Variants in PDE11A observed in about 807,000 individuals in gnomAD.
The protein encoded by PDE11A is phosphodiesterase 11A.
PDE11A carries 100 observed loss-of-function variants against 100.5 expected under a neutral mutation model. The ratio of observed to expected loss-of-function variants is 1.00; its 90% CI spans 0.85 to 1.18. The LOEUF is 1.18. Ranked by LOEUF, PDE11A falls within the 50% of genes most tolerant of loss-of-function variation. The pLI is 0.00. For synonymous variants in PDE11A, 381 were observed against 420.8 expected, an observed-to-expected ratio of 0.91 and a Z score of 1.16; for missense variants, 1,141 against 1,152.6, an observed-to-expected ratio of 0.99 and a Z score of 0.15.
intron 10 of PDE11A, among the ~76,000 whole-genome samples, chr2:177,767,691 TA>T (rs1441194505): frequency 6.6e-6 from 1 of 152,140 alleles, no homozygotes; most frequent in Non-Finnish European, 1.5e-5. Context: ...ATCACCGTTT[TA>T]AAATTTTCTT....
intron 10 of PDE11A, among the ~76,000 whole-genome samples, chr2:177,733,824 G>T (rs2081729964): frequency 1.3e-5 from 2 of 152,168 alleles, no homozygotes; most frequent in South Asian, 4.1e-4. Context: ...GTTATGCTTT[G>T]CATATACTCA....
intron 12 of PDE11A, among the ~76,000 whole-genome samples, chr2:177,713,754 G>A (rs936256910): frequency 4.6e-5 from 7 of 151,810 alleles, no homozygotes; most frequent in African/African-American, 1.7e-4. Context: ...AAAAAAGCTT[G>A]TATATGCCCT....
Position 177,769,343 on chromosome 2 carries a change from C to G in PDE11A, c.1768G>C (p.Ala590Pro), listed in dbSNP as rs748648316. The G allele has an allele frequency of 6.2e-7, 1 of 1,600,368 alleles. No individual in the cohort carries two copies. The highest frequency in any genetic ancestry group is 1.7e-5 in the Admixed American group (1 of 59,988). ...CTTACCTTAAACTTGTCAACTTCAGCTTTTGAACATGTTGCATGGTATGAT... is the reference window on the plus strand; with the variant it reads ...CTTACCTTAAACTTGTCAACTTCAGGTTTTGAACATGTTGCATGGTATGAT... ...VLSYHATCSK[A>P]EVDKFKAANI... Residue 590 changes from alanine to proline, a missense_variant, in exon 10 of 20, where the codon GCT becomes CCT. Transcript: ENST00000286063.
chr2:177,869,060 T>A (rs1003993584), intron 5 of PDE11A, among the ~76,000 whole-genome samples: 1 of 152,264 alleles, frequency 6.6e-6, no homozygotes, highest in African/African-American at 2.4e-5. Context: ...TGTGCATGCA[T>A]GCATGAGTGC....
chr2:177,955,801 CA>C (rs2085554212), intron 2 of PDE11A, among the ~76,000 whole-genome samples: 2 of 152,114 alleles, frequency 1.3e-5, no homozygotes, highest in South Asian at 4.2e-4. Context: ...GAAAAACAAG[CA>C]ATGGGGAAAG....
Position 177,735,911 on chromosome 2 carries a change from T to A in PDE11A, c.1789-7739A>T, listed in dbSNP as rs186823963. 2.0e-3 allele frequency among the ~76,000 whole-genome samples: 299 copies of A among 152,316 alleles called. 1 individual carries two copies. Among genetic ancestry groups the A allele is most frequent in the Non-Finnish European group, 3.4e-3 (234 of 68,016 alleles). On this transcript the variant is annotated intron_variant, in intron 10 of 19. Coordinates refer to ENST00000286063, the MANE Select transcript of PDE11A (RefSeq NM_016953.4). ...GGCCAAACCTCCCAGAACTTCCCCT[T>A]TGAAGCTCTGGTCCCAATTTTAGTT...
chr2:178,093,694 G>T (rs2087451364), intron 2 of PDE11A, among the ~76,000 whole-genome samples: 1 of 152,184 alleles, frequency 6.6e-6, no homozygotes, highest in African/African-American at 2.4e-5. Flanking sequence ...TCCAAAGTAT[G>T]TGACACACTC....
At chr2:177,631,544 TATAC>T (rs1482631571) in intron 19 of PDE11A, among the ~76,000 whole-genome samples, 22 of 16,144 alleles carry the variant, frequency 1.4e-3, no homozygotes, top group African/African-American at 4.0e-3. Flanking sequence ...TATATATATA[TATAC>T]ACATGTATAT....
chr2:177,674,648 C>T (rs1217996305), intron 17 of PDE11A, among the ~76,000 whole-genome samples: 1 of 152,144 alleles, frequency 6.6e-6, no homozygotes, highest in African/African-American at 2.4e-5. Context: ...TTACAGGTTC[C>T]AGAGATTAGG....
At chr2:177,928,504 C>A (rs10183144) in intron 2 of PDE11A, among the ~76,000 whole-genome samples, 13,155 of 66,992 alleles carry the variant, frequency 0.2, 540 homozygotes, top group South Asian at 0.3. Flanking sequence ...TCTCTAAATA[C>A]GAGAAAGAGA....
intron 1 of PDE11A, among the ~76,000 whole-genome samples, chr2:178,046,249 T>C (rs2086749525): frequency 6.6e-6 from 1 of 152,224 alleles, no homozygotes; most frequent in Non-Finnish European, 1.5e-5. Context: ...GCTCTTCACC[T>C]GTGTGTTAAT....
intron 2 of PDE11A, among the ~76,000 whole-genome samples, chr2:177,989,016 A>G (rs1173768611): frequency 2.6e-5 from 4 of 152,224 alleles, no homozygotes; most frequent in Non-Finnish European, 5.9e-5. Flanking sequence ...TATCTCAGAG[A>G]GGATGGCAAA....
intron 8 of PDE11A, among the ~76,000 whole-genome samples, chr2:177,817,175 ATACT>A (rs1271550535): frequency 6.6e-6 from 1 of 152,256 alleles, no homozygotes; most frequent in African/African-American, 2.4e-5. Context: ...GTTTAAAAAC[ATACT>A]TACACTCTGT....
chr2:177,933,967 T>C (rs12693142), intron 2 of PDE11A, among the ~76,000 whole-genome samples: 9,606 of 152,234 alleles, frequency 0.063, 315 homozygotes, highest in South Asian at 0.094. Context: ...TTTCACCATA[T>C]ATAAACATTA....
chr2:177,673,981 C>A (rs2080726953), intron 17 of PDE11A, among the ~76,000 whole-genome samples: 1 of 152,164 alleles, frequency 6.6e-6, no homozygotes, highest in Admixed American at 6.5e-5. Flanking sequence ...CCTAGGTGCC[C>A]ATGTTCGTGA....
At position 177,725,190 on chromosome 2, in the gene PDE11A, G is replaced by A. The variant is rs538322038; in HGVS notation, c.2043+2468C>T. Among the ~76,000 whole-genome samples, 5 of 152,206 alleles carry A rather than the reference G, an allele frequency of 3.3e-5. No homozygotes were observed. The East Asian group carries it at 5.8e-4, about 18-fold the overall frequency. On this transcript the variant is annotated intron_variant, in intron 12 of 19. Transcript: ENST00000286063. ...TCCAGAGATGAGAATTGATGAGCGA[G>A]TTAAATTTATTTTTAGCTACACTGA...
chr2:177,685,550 C>A (rs2080933747), intron 15 of PDE11A, among the ~76,000 whole-genome samples: 1 of 151,748 alleles, frequency 6.6e-6, no homozygotes, highest in African/African-American at 2.4e-5. Flanking sequence ...CTTTTTTTCT[C>A]TTTTTTTTGT....
intron 18 of PDE11A, among the ~76,000 whole-genome samples, chr2:177,666,895 A>T (rs546009252): frequency 6.0e-4 from 35 of 58,212 alleles, no homozygotes; most frequent in African/African-American, 1.5e-3. Flanking sequence ...TTTAATTTTG[A>T]TAAAGTTCAA....
chr2:177,768,064 A>C (rs961853865), intron 10 of PDE11A, among the ~76,000 whole-genome samples: 1 of 152,106 alleles, frequency 6.6e-6, no homozygotes, highest in South Asian at 2.1e-4. Flanking sequence ...GCATCTCTCT[A>C]TGTCAATAAT....
Sources: gnomAD v4.1 joint callset for allele counts (sites outside exome capture counted in the v4.1 genomes callset) on GRCh38, gnomAD v4.1.1 for gene constraint, MANE v1.5 for transcripts, NCBI Gene and HGNC (gene_info 2026-07-23, HGNC 2026-07-21) for gene names.